WNT2B: variants seen among roughly 807,000 people sequenced by gnomAD.
WNT2B encodes protein Wnt-2b.
In WNT2B, 19 loss-of-function variants were observed where a neutral mutation model predicts 40.5. The observed-to-expected ratio is 0.47, with a 90% CI of 0.33 to 0.69. The LOEUF (loss-of-function observed/expected upper bound fraction) is 0.69, where lower values mean the gene tolerates loss of function less well. Among genes scored for constraint, WNT2B ranks in the 30% least tolerant of loss-of-function variants. The pLI, the probability that WNT2B is intolerant of heterozygous loss-of-function variation, is 0.02. For synonymous variants in WNT2B, 220 were observed against 211.9 expected (o/e 1.04, Z -0.33); for missense variants, 467 against 556.4 (o/e 0.84, Z 1.62).
chr1:112,489,129 A>G (rs998928967), intron 1 of WNT2B, among the ~76,000 whole-genome samples: 1 of 152,112 alleles, frequency 6.6e-6, no homozygotes, highest in Non-Finnish European at 1.5e-5. Context: ...TTAGATGTTC[A>G]CTGGGAGAAC....
chr1:112,467,520 T>C (rs1650741752), exon 1 of WNT2B: 1 of 780,256 alleles, frequency 1.3e-6, no homozygotes, highest in African/African-American at 1.7e-5. Flanking sequence ...CTCTTTCTCC[T>C]ATATCACACT....
upstream of WNT2B, chr1:112,508,775 C>G (rs1286761703): frequency 6.1e-6 from 6 of 987,140 alleles, no homozygotes; most frequent in Non-Finnish European, 7.2e-6. This position sits in a 1 kb window ranked among gnomAD's most constrained non-coding sequence, Gnocchi z 4.2. Context: ...TCGCAGCGTG[C>G]GGGAGCAGGT....
chr1:112,485,758 TA>T (rs201524383), intron 1 of WNT2B, among the ~76,000 whole-genome samples: 1,701 of 152,232 alleles, frequency 0.011, 40 homozygotes, highest in African/African-American at 0.036. Context: ...ATGTAAAACC[TA>T]AAAAAACTGT....
In WNT2B at chr1:112,528,923, C is replaced by T. The variant is rs1423611169; in HGVS notation, c.*8414C>T. The T allele has an allele frequency of 6.6e-6, 1 of 152,098 alleles. No individual in the cohort carries two copies. The highest frequency in any genetic ancestry group is 1.5e-5 in the Non-Finnish European group (1 of 68,016). 9.4% of individuals were successfully genotyped at this position (152,098 alleles called of 1,614,324 possible). ...TACTACCAGGGGCTGAAGTAGCAGC[C>T]AAAGAAGGAGACAAATTCTAACTTC... On this transcript the variant is annotated 3_prime_UTR_variant, in exon 5 of 5. Transcript: ENST00000369684.
intron 1 of WNT2B, among the ~76,000 whole-genome samples, chr1:112,488,757 T>C (rs772279143): frequency 2.6e-5 from 4 of 152,072 alleles, no homozygotes; most frequent in Admixed American, 1.3e-4. Flanking sequence ...GTTTTCACCA[T>C]GTTAACCAGG....
rs1652604511 is a variant in WNT2B at position 112,517,299 on chromosome 1, CCCG to C, written c.863_865del (p.Arg288del). On this transcript the variant is annotated inframe_deletion, in exon 4 of 5. Transcript: ENST00000369684. ...CAAGATGGTGCCAACTTCACCGCAG[CCCG>C]CCAAGGCTATCGCCGTGCCACCCGG... The C allele has an allele frequency of 6.2e-7, 1 of 1,614,108 alleles. No homozygotes were observed. The highest frequency in any genetic ancestry group is 2.2e-5 in the East Asian group (1 of 44,898).
chr1:112,484,177 TTTATATATAA>T (rs1472886153), intron 1 of WNT2B, among the ~76,000 whole-genome samples: 1 of 145,476 alleles, frequency 6.9e-6, no homozygotes, highest in African/African-American at 2.5e-5. Flanking sequence ...ATATATCATT[TTTATATATAA>T]TTTTGTCTCC....
chr1:112,483,269 G>C (rs530815167), intron 1 of WNT2B, among the ~76,000 whole-genome samples: 30 of 151,502 alleles, frequency 2.0e-4, no homozygotes, highest in African/African-American at 7.3e-4. Flanking sequence ...TATGGTACTT[G>C]CATAAAAACA....
At chr1:112,511,725 T>A (rs1033875933) in intron 1 of WNT2B, among the ~76,000 whole-genome samples, 2 of 152,014 alleles carry the variant, frequency 1.3e-5, no homozygotes, top group Non-Finnish European at 2.9e-5. Flanking sequence ...CTGTAGGGGG[T>A]TGGATGTAGG....
In WNT2B at chr1:112,515,545, C is replaced by T. The variant is rs929426095; in HGVS notation, c.403+451C>T. Among the ~76,000 whole-genome samples, 3 of 152,176 alleles carry T rather than the reference C, an allele frequency of 2.0e-5. No homozygotes were observed. Among genetic ancestry groups the T allele is most frequent in the Admixed American group, 1.3e-4 (2 of 15,280 alleles). ...ATATTTGGAGAGTCAGTGGCTTGGCCTCAGCTCAGCAAAAAAGCTAAATAG... is the reference window on the plus strand; with the variant it reads ...ATATTTGGAGAGTCAGTGGCTTGGCTTCAGCTCAGCAAAAAAGCTAAATAG... On this transcript the variant is annotated intron_variant, in intron 2 of 4. Coordinates refer to ENST00000369684, the MANE Select transcript of WNT2B (RefSeq NM_024494.3). This position sits in a 1 kb window ranked among gnomAD's most constrained non-coding sequence, Gnocchi z 4.4.
At chr1:112,519,959 G>A (rs960787225) in intron 4 of WNT2B, among the ~76,000 whole-genome samples, 1 of 146,096 alleles carries the variant, frequency 6.8e-6, no homozygotes, top group East Asian at 2.0e-4. Context: ...CTGCAGCCTC[G>A]ACCTCCCAGC....
chr1:112,486,132 AACACAC>A (rs71584737), intron 1 of WNT2B, among the ~76,000 whole-genome samples: 4 of 143,848 alleles, frequency 2.8e-5, no homozygotes, highest in Non-Finnish European at 4.5e-5. Context: ...ATGAGTTTTT[AACACAC>A]ACACACACAC....
chr1:112,479,445 G>A (rs948883325), intron 1 of WNT2B, among the ~76,000 whole-genome samples: 1 of 146,336 alleles, frequency 6.8e-6, no homozygotes, highest in Non-Finnish European at 1.5e-5. Flanking sequence ...GTGGTGGCAG[G>A]CACCTGTAAT....
intron 1 of WNT2B, among the ~76,000 whole-genome samples, chr1:112,493,999 G>C (rs1490285786): frequency 1.3e-5 from 2 of 151,676 alleles, no homozygotes; most frequent in Admixed American, 6.6e-5. Flanking sequence ...CTTACTTATA[G>C]AGAAGCAAAG....
At chr1:112,516,987 A>G (rs542435878) in intron 3 of WNT2B, 134 bp from the exon 4 acceptor site, 1 of 1,189,796 alleles carries the variant, frequency 8.4e-7, no homozygotes, top group Non-Finnish European at 1.2e-6. Flanking sequence ...GATGTGGGAG[A>G]GAACCGAGAG....
chr1:112,484,742 GAA>G (rs758966099), intron 1 of WNT2B, among the ~76,000 whole-genome samples: 4 of 121,674 alleles, frequency 3.3e-5, no homozygotes, highest in African/African-American at 6.1e-5. Flanking sequence ...ACTCCCTCTT[GAA>G]AAAAAAAAAA....
At chr1:112,502,115 C>T (rs918278360) in intron 1 of WNT2B, among the ~76,000 whole-genome samples, 1 of 152,212 alleles carries the variant, frequency 6.6e-6, no homozygotes, top group African/African-American at 2.4e-5. Flanking sequence ...TGAGCGGTCT[C>T]CCCTCACTCT....
intron 1 of WNT2B, among the ~76,000 whole-genome samples, chr1:112,498,905 C>T (rs1651860404): frequency 6.6e-6 from 1 of 152,122 alleles, no homozygotes; most frequent in Non-Finnish European, 1.5e-5. Context: ...CTATCCATTA[C>T]CCAATTTCAA....
intron 1 of WNT2B, among the ~76,000 whole-genome samples, chr1:112,497,412 A>T (rs376803616): frequency 1.2e-4 from 19 of 152,344 alleles, no homozygotes; most frequent in African/African-American, 4.3e-4. Flanking sequence ...GCCAAGGTTT[A>T]TGGCTTGTGC....
Sources: allele counts gnomAD v4.1 joint callset (sites outside exome capture counted in the v4.1 genomes callset), GRCh38; gene constraint gnomAD v4.1.1; non-coding constraint Gnocchi (gnomAD v3.1); transcripts MANE v1.5; gene names NCBI Gene and HGNC (gene_info 2026-07-23, HGNC 2026-07-21).